Variants in ARHGAP12 observed in about 807,000 individuals in gnomAD.
The protein encoded by ARHGAP12 is Rho GTPase activating protein 12.
ARHGAP12 carries 64 observed loss-of-function variants against 108.6 expected under a neutral mutation model. The ratio of observed to expected loss-of-function variants is 0.59; its 90% CI spans 0.48 to 0.73. ARHGAP12 has a LOEUF of 0.73. Ranked by LOEUF, ARHGAP12 falls within the 30% of genes least tolerant of loss-of-function variation. The pLI is 0.00. For missense variants in ARHGAP12, 940 were observed against 1,005.9 expected, an observed-to-expected ratio of 0.93 and a Z score of 0.89; for synonymous variants, 312 against 337.2, an observed-to-expected ratio of 0.93 and a Z score of 0.82.
intron 6 of ARHGAP12, among the ~76,000 whole-genome samples, chr10:31,850,985 T>C (rs1326117259): frequency 1.3e-5 from 2 of 152,168 alleles, no homozygotes; most frequent in Non-Finnish European, 2.9e-5. Context: ...ATGTGATTTG[T>C]GGCACTTTTC....
At chr10:31,838,252 G>C (rs1836101661) in intron 9 of ARHGAP12, among the ~76,000 whole-genome samples, 1 of 152,162 alleles carries the variant, frequency 6.6e-6, no homozygotes, top group Admixed American at 6.5e-5. Context: ...CTCCTTTGAG[G>C]AACTGAGAGA....
Position 31,918,360 on chromosome 10 carries a change from C to CACACA in ARHGAP12, c.-110-7798_-110-7797insTGTGT, listed in dbSNP as rs1554791864. Among the ~76,000 whole-genome samples, 6 of 138,284 alleles carry CACACA rather than the reference C, an allele frequency of 4.3e-5. No individual in the cohort carries two copies. In the South Asian group the frequency reaches 6.9e-4, roughly 16 times the overall value. The allele number at this position is 138,284 out of a possible 152,430, so 90.7% of individuals were successfully genotyped here. A position where few individuals can be genotyped will look rare whatever the true frequency, so the allele number is the denominator to read the frequency against. On this transcript the variant is annotated intron_variant, in intron 1 of 19. Transcript: ENST00000344936. ...ACACACACACACACACACACACACACCAATGAGATACCACTTCACACCCAA... is the reference window on the plus strand; with the variant it reads ...ACACACACACACACACACACACACACACACACAATGAGATACCACTTCACACCCAA...
At chr10:31,881,915 GTTTTTT>G (rs886188365) in intron 3 of ARHGAP12, among the ~76,000 whole-genome samples, 37 of 136,002 alleles carry the variant, frequency 2.7e-4, no homozygotes, top group African/African-American at 9.5e-4. Context: ...TTGTTTAGAT[GTTTTTT>G]TTTTTTTTTT....
chr10:31,847,648 G>C (rs976026870), intron 6 of ARHGAP12, among the ~76,000 whole-genome samples: 1 of 152,004 alleles, frequency 6.6e-6, no homozygotes, highest in African/African-American at 2.4e-5. Context: ...GGATAGGGTG[G>C]GGTGCTGCCT....
intron 1 of ARHGAP12, among the ~76,000 whole-genome samples, chr10:31,927,034 A>G (rs1176164215): frequency 6.6e-6 from 1 of 152,208 alleles, no homozygotes; most frequent in East Asian, 1.9e-4. Flanking sequence ...AAATATACAT[A>G]CACACATTAT....
chr10:31,832,574 G>C (rs553187646), intron 9 of ARHGAP12, among the ~76,000 whole-genome samples: 3 of 152,148 alleles, frequency 2.0e-5, no homozygotes, highest in Non-Finnish European at 4.4e-5. Context: ...AATGAGCTGA[G>C]TCCATAGTAA....
intron 4 of ARHGAP12, among the ~76,000 whole-genome samples, chr10:31,859,128 C>T (rs983578903): frequency 3.3e-5 from 5 of 152,100 alleles, no homozygotes; most frequent in Non-Finnish European, 7.4e-5. Flanking sequence ...GGGAAAAATA[C>T]TAAGATTCTG....
intron 3 of ARHGAP12, among the ~76,000 whole-genome samples, chr10:31,886,309 T>G (rs1838187410): frequency 6.6e-6 from 1 of 152,180 alleles, no homozygotes; most frequent in Admixed American, 6.5e-5. Flanking sequence ...TATGCCAGCT[T>G]CTCAACCATA....
At chr10:31,864,419 T>C (rs1328258792) in intron 3 of ARHGAP12, among the ~76,000 whole-genome samples, 3 of 152,182 alleles carry the variant, frequency 2.0e-5, no homozygotes, top group Non-Finnish European at 4.4e-5. Flanking sequence ...CTTCAATAGA[T>C]AAACCCTTGT....
intron 3 of ARHGAP12, among the ~76,000 whole-genome samples, chr10:31,890,865 C>T (rs1220127832): frequency 6.6e-6 from 1 of 152,192 alleles, no homozygotes; most frequent in East Asian, 1.9e-4. Context: ...TCCTCAAGCA[C>T]TCTTCTTAAC....
chr10:31,891,755 T>C (rs528941705), intron 3 of ARHGAP12, among the ~76,000 whole-genome samples: 54 of 152,332 alleles, frequency 3.5e-4, no homozygotes, highest in African/African-American at 1.1e-3. Flanking sequence ...CATAGTCCCA[T>C]ATTTCTTGGA....
chr10:31,909,868 C>G (rs1358454066), intron 2 of ARHGAP12, among the ~76,000 whole-genome samples: 1 of 152,068 alleles, frequency 6.6e-6, no homozygotes, highest in Non-Finnish European at 1.5e-5. Flanking sequence ...TGCACTCCAA[C>G]CTGGGTGACA....
chr10:31,818,267 C>A (rs1488423102), intron 12 of ARHGAP12, among the ~76,000 whole-genome samples: 1 of 152,140 alleles, frequency 6.6e-6, no homozygotes, highest in Non-Finnish European at 1.5e-5. Context: ...CATTTTTACA[C>A]AACCTGAGAA....
At position 31,806,321 on chromosome 10, in the gene ARHGAP12, T is replaced by G. The variant is rs1044795; in HGVS notation, c.*1337A>C. The G allele has an allele frequency of 0.24, 36,563 of 152,512 alleles. 4,730 individuals are homozygous for G. The highest frequency in any genetic ancestry group is 0.47 in the East Asian group (2,450 of 5,186). The allele number at this position is 152,512 out of a possible 1,614,324, so 9.4% of individuals were successfully genotyped here. A position where few individuals can be genotyped will look rare whatever the true frequency, so the allele number is the denominator to read the frequency against. ...AATGGAAAAATCTCTAAACCTCTTA[T>G]AGTTTTATTAGACATTTCATGTACA... On this transcript the variant is annotated 3_prime_UTR_variant, in exon 20 of 20. Transcript: ENST00000344936.
At chr10:31,866,656 C>T (rs1837336541) in intron 3 of ARHGAP12, among the ~76,000 whole-genome samples, 1 of 152,036 alleles carries the variant, frequency 6.6e-6, no homozygotes, top group African/African-American at 2.4e-5. Flanking sequence ...GCTCTTGTTG[C>T]CCAGGCTGGA....
chr10:31,872,904 A>T (rs187016244), intron 3 of ARHGAP12, among the ~76,000 whole-genome samples: 4 of 152,226 alleles, frequency 2.6e-5, no homozygotes, highest in South Asian at 4.1e-4. Context: ...TTCCTCCCAG[A>T]CCTTCAAATC....
chr10:31,923,787 T>C (rs1296733193), intron 1 of ARHGAP12, among the ~76,000 whole-genome samples: 4 of 152,282 alleles, frequency 2.6e-5, no homozygotes, highest in African/African-American at 7.2e-5. Context: ...CCAAGGGACA[T>C]GGGGAATGAA....
At chr10:31,882,832 A>C (rs1191084919) in intron 3 of ARHGAP12, among the ~76,000 whole-genome samples, 9 of 151,844 alleles carry the variant, frequency 5.9e-5, no homozygotes, top group South Asian at 2.1e-4. Flanking sequence ...AAAAAAAAAA[A>C]AAAAACAGAA....
chr10:31,927,190 T>C (rs1376768326), intron 1 of ARHGAP12, among the ~76,000 whole-genome samples: 6 of 112,232 alleles, frequency 5.3e-5, no homozygotes, highest in Admixed American at 2.7e-4. Context: ...ACTGCCTGCT[T>C]TGGGCTCTCA....
Sources: allele counts gnomAD v4.1 joint callset (sites outside exome capture counted in the v4.1 genomes callset), GRCh38; gene constraint gnomAD v4.1.1; transcripts MANE v1.5; gene names NCBI Gene and HGNC (gene_info 2026-07-23, HGNC 2026-07-21).